Variants in MCCC1 observed in about 807,000 individuals in gnomAD.
The protein encoded by MCCC1 is methylcrotonyl-CoA carboxylase subunit 1.
MCCC1 carries 64 observed loss-of-function variants against 83.8 expected under a neutral mutation model. That is an observed-to-expected ratio of 0.76 (90% CI 0.62 to 0.94). The LOEUF is 0.94. MCCC1 is among the 40% of genes least tolerant of loss of function. The pLI is 0.00. For synonymous variants in MCCC1, 322 were observed against 315.4 expected (o/e 1.02, Z -0.22); for missense variants, 807 against 904.7 (o/e 0.89, Z 1.39).
Position 183,110,585 on chromosome 3 carries a change from G to A in MCCC1, c.-102+4889C>T, listed in dbSNP as rs573169537. On this transcript the variant is annotated intron_variant, in intron 1 of 17. Coordinates refer to the MCCC1 transcript ENST00000492597. ...ATTTTTTGTATTTTTTAGTGGAGAC[G>A]GGGTTTCACTGTGTTAGTCAGAATG... Among the ~76,000 whole-genome samples the A allele has an allele frequency of 5.9e-5, 9 of 152,072 alleles. No homozygotes were observed. The South Asian group carries it at 1.2e-3, about 21-fold the overall frequency.
intron 15 of MCCC1, among the ~76,000 whole-genome samples, chr3:183,023,780 G>A (rs1243471512): frequency 6.6e-6 from 1 of 151,980 alleles, no homozygotes; most frequent in Non-Finnish European, 1.5e-5. Flanking sequence ...CTTACTATAG[G>A]AATTTGATTG....
At chr3:183,046,207 C>A (rs186352371) in intron 9 of MCCC1, among the ~76,000 whole-genome samples, 1 of 152,202 alleles carries the variant, frequency 6.6e-6, no homozygotes, top group African/African-American at 2.4e-5. Flanking sequence ...GAATCAGTCC[C>A]TTCACTAAAC....
At chr3:183,096,842 C>T (rs1326543325) in intron 1 of MCCC1, among the ~76,000 whole-genome samples, 1 of 152,198 alleles carries the variant, frequency 6.6e-6, no homozygotes, top group African/African-American at 2.4e-5. Context: ...CTCATAGCAT[C>T]GTCTTCCCTT....
chr3:183,025,315 T>C (rs1712498970), intron 15 of MCCC1, among the ~76,000 whole-genome samples: 2 of 152,210 alleles, frequency 1.3e-5, no homozygotes, highest in Admixed American at 1.3e-4. Flanking sequence ...TCACCACAAT[T>C]AAAAAATTAG....
At chr3:183,078,298 G>T (rs77775631) in intron 4 of MCCC1, among the ~76,000 whole-genome samples, 1 of 152,304 alleles carries the variant, frequency 6.6e-6, no homozygotes, top group East Asian at 1.9e-4. Context: ...GGGGATTACA[G>T]GTGTGAGCCA....
intron 17 of MCCC1, among the ~76,000 whole-genome samples, chr3:183,019,561 G>T (rs1711974290): frequency 6.6e-6 from 1 of 152,128 alleles, no homozygotes; most frequent in African/African-American, 2.4e-5. Context: ...TGATTTGATG[G>T]ATTTCCCAGC....
intron 1 of MCCC1, among the ~76,000 whole-genome samples, chr3:183,111,707 C>A (rs1258649535): frequency 1.3e-5 from 2 of 152,178 alleles, no homozygotes; most frequent in Non-Finnish European, 2.9e-5. Flanking sequence ...CCAGACTTTG[C>A]ATTCAAAAAG....
chr3:183,042,729 G>T (rs1714191529), intron 10 of MCCC1, among the ~76,000 whole-genome samples: 1 of 152,170 alleles, frequency 6.6e-6, no homozygotes, highest in African/African-American at 2.4e-5. Context: ...TTCAAATTTT[G>T]TCTCTATACT....
intron 7 of MCCC1, among the ~76,000 whole-genome samples, chr3:183,061,356 T>C (rs1715820834): frequency 6.6e-6 from 1 of 152,200 alleles, no homozygotes; most frequent in Non-Finnish European, 1.5e-5. Flanking sequence ...ACATCTCCCT[T>C]GGAGTTAGGA....
rs533280610 is a variant in MCCC1, at chr3:183,061,383, G to T, written c.762-3961C>A. ...GAGTTAGGATTTCTTCTGTTAGGGA[G>T]AATAGAATGCTCTGGATCTCTTTCA... On this transcript the variant is annotated intron_variant, in intron 7 of 18. Coordinates refer to ENST00000265594, the MANE Select transcript of MCCC1 (RefSeq NM_020166.5). Among the ~76,000 whole-genome samples, 1,501 of 152,284 alleles carry T rather than the reference G, an allele frequency of 9.9e-3. 14 individuals are homozygous for T. The highest frequency in any genetic ancestry group is 0.051 in the Middle Eastern group (15 of 294).
At chr3:183,027,532 TG>T (rs1266021956) in intron 14 of MCCC1, among the ~76,000 whole-genome samples, 3 of 152,136 alleles carry the variant, frequency 2.0e-5, no homozygotes, top group African/African-American at 7.2e-5. Context: ...GTGAAATAGC[TG>T]GGCTGGGAGC....
At chr3:183,111,101 T>C (rs1719485961) in intron 1 of MCCC1, among the ~76,000 whole-genome samples, 1 of 152,186 alleles carries the variant, frequency 6.6e-6, no homozygotes, top group Non-Finnish European at 1.5e-5. Context: ...TGTGTCTCTT[T>C]GGGAAAATTA....
chr3:183,088,075 A>G (rs1718035493), intron 3 of MCCC1, among the ~76,000 whole-genome samples: 1 of 152,074 alleles, frequency 6.6e-6, no homozygotes, highest in Admixed American at 6.6e-5. Flanking sequence ...TCCAGGGGCC[A>G]GAGAGGATGC....
intron 3 of MCCC1, among the ~76,000 whole-genome samples, chr3:183,090,626 G>A (rs1041256647): frequency 1.3e-4 from 19 of 146,730 alleles, no homozygotes; most frequent in African/African-American, 4.1e-4. Flanking sequence ...TTTCGCTCTT[G>A]TTGCCCAGGC....
At chr3:183,045,830 T>C (rs984633058) in intron 9 of MCCC1, among the ~76,000 whole-genome samples, 1 of 152,222 alleles carries the variant, frequency 6.6e-6, no homozygotes, top group South Asian at 2.1e-4. Context: ...GTGGACCACA[T>C]GTTACTGCCT....
At chr3:183,074,889 C>G (rs1421620224) in intron 4 of MCCC1, among the ~76,000 whole-genome samples, 11 of 152,144 alleles carry the variant, frequency 7.2e-5, no homozygotes, top group Non-Finnish European at 1.3e-4. Context: ...CTCAGGTAGA[C>G]CCCAGTGTCT....
At chr3:183,080,789 A>C (rs1717431242) in intron 4 of MCCC1, among the ~76,000 whole-genome samples, 1 of 152,204 alleles carries the variant, frequency 6.6e-6, no homozygotes, top group African/African-American at 2.4e-5. Flanking sequence ...CCTCACAATC[A>C]TGGTGGAAAG....
intron 8 of MCCC1, among the ~76,000 whole-genome samples, chr3:183,056,766 T>C (rs1715450613): frequency 2.6e-5 from 4 of 152,324 alleles, no homozygotes; most frequent in Admixed American, 2.6e-4. Flanking sequence ...TGATCTCGGC[T>C]CACTGCAACC....
Position 183,099,031 on chromosome 3 carries a change from C to G in MCCC1, c.89+321G>C, listed in dbSNP as rs1451942153. The G allele has an allele frequency of 1.6e-5, 8 of 515,310 alleles. No homozygotes were observed. The Admixed American group carries it at 2.2e-4, about 14-fold the overall frequency. 31.9% of individuals were successfully genotyped at this position (515,310 alleles called of 1,614,324 possible). ...TCCCACCTAAGGGGTGCTGCGAAAG[C>G]CCGATGTAAACGGCTACGAGCTGCA... is the stretch of plus-strand genomic sequence containing the variant. On this transcript the variant is annotated intron_variant, in intron 1 of 18. Coordinates refer to ENST00000265594, the MANE Select transcript of MCCC1 (RefSeq NM_020166.5).
Sources: gnomAD v4.1 joint callset for allele counts (sites outside exome capture counted in the v4.1 genomes callset) on GRCh38, gnomAD v4.1.1 for gene constraint, MANE v1.5 for transcripts, NCBI Gene and HGNC (gene_info 2026-07-23, HGNC 2026-07-21) for gene names.